OR2H1: variants seen among roughly 807,000 people sequenced by gnomAD.
The protein encoded by OR2H1 is olfactory receptor family 2 subfamily H member 1, also known as olfactory receptor 2H1.
For missense variants in OR2H1, 380 were observed against 367.3 expected, an observed-to-expected ratio of 1.03 and a Z score of -0.28; for synonymous variants, 155 against 155.2, an observed-to-expected ratio of 1.00 and a Z score of 0.01.
Position 29,461,741 on chromosome 6 carries a change from A to G in OR2H1, c.-29A>G. ...TGAATCACACTGGGGTGACAGCCTC[A>G]TCCCTCCAGGTACAAACAAGAACAG... On this transcript the variant is annotated 5_prime_UTR_variant, in exon 4 of 4. Coordinates refer to ENST00000377133, the MANE Select transcript of OR2H1 (RefSeq NM_030883.5). 3 of 1,563,286 alleles carry G rather than the reference A, an allele frequency of 1.9e-6. No individual in the cohort carries two copies. Among genetic ancestry groups the G allele is most frequent in the Non-Finnish European group, 2.6e-6 (3 of 1,140,820 alleles).
Position 29,463,920 on chromosome 6 carries a change from C to T in OR2H1, c.*1200C>T, listed in dbSNP as rs1009784553. 1 of 166,108 alleles carries T rather than the reference C, an allele frequency of 6.0e-6. No homozygotes were observed. Among genetic ancestry groups the T allele is most frequent in the Non-Finnish European group, 1.5e-5 (1 of 68,114 alleles). 10.3% of individuals were successfully genotyped at this position (166,108 alleles called of 1,614,324 possible). A position where few individuals can be genotyped will look rare whatever the true frequency, so the allele number is the denominator to read the frequency against. On this transcript the variant is annotated 3_prime_UTR_variant, in exon 4 of 4. Transcript: ENST00000377133. ...ATTCCAATTATGAAGCCTCTTCCCTCATGACCTAATCACTGCCCAAAGGCC... is the reference window on the plus strand; with the variant it reads ...ATTCCAATTATGAAGCCTCTTCCCTTATGACCTAATCACTGCCCAAAGGCC...
chr6:29,462,067 T>A lies in OR2H1; in HGVS notation c.298T>A (p.Phe100Ile). Residue 100 changes from phenylalanine to isoleucine, a missense_variant, in exon 4 of 4, where the codon TTC becomes ATC. Phe to Ile is a conservative substitution (Grantham distance 21). Coordinates refer to ENST00000377133, the MANE Select transcript of OR2H1 (RefSeq NM_030883.5). Reference sequence around the variant, plus strand: ...CTTCCTGGGATGCTCTGTCCAGCTCTTCATCTTCCTGTCCCTGGGGACCAC... The same window carrying A: ...CTTCCTGGGATGCTCTGTCCAGCTCATCATCTTCCTGTCCCTGGGGACCAC... ...ISFLGCSVQL[F>I]IFLSLGTTEC... 1.2e-6 allele frequency: 2 copies of A among 1,613,594 alleles called. No homozygotes were observed. Among genetic ancestry groups the A allele is most frequent in the East Asian group, 4.5e-5 (2 of 44,872 alleles).
At chr6:29,457,826 A>G (rs977961662) in intron 1 of OR2H1, among the ~76,000 whole-genome samples, 7 of 152,190 alleles carry the variant, frequency 4.6e-5, no homozygotes, top group Non-Finnish European at 1.0e-4. Context: ...TTTACTCCCC[A>G]GTGACACGGA....
rs780819360 is a variant in OR2H1 at position 29,461,886 on chromosome 6, C to T, written c.117C>T (p.Gly39=). The T allele has an allele frequency of 1.1e-5, 18 of 1,612,924 alleles. No homozygotes were observed. The highest frequency in any genetic ancestry group is 1.4e-5 in the Non-Finnish European group (16 of 1,180,004). The stretch of plus-strand genomic sequence containing the variant: ...CTTCCTACCTCTTGACCCTGGTGGG[C>T]AACACACTCATCATCCTGCTGTCTG... The part of the protein sequence containing the change: ...VFTSYLLTLV[G]NTLIILLSVL... The change falls in exon 4 of 4, where the codon GGC becomes GGT. Residue 39 remains glycine, a synonymous_variant. Coordinates refer to ENST00000377133, the MANE Select transcript of OR2H1 (RefSeq NM_030883.5).
chr6:29,464,235 G>A lies in OR2H1; in HGVS notation c.*1515G>A, dbSNP rs1202467278. ...TGCAGGCTCTATTGTTTTCAATTTA[G>A]CAGCCTTTCAAATGTATATGGTTCT... On this transcript the variant is annotated 3_prime_UTR_variant, in exon 4 of 4. Transcript: ENST00000377133. 6.0e-6 allele frequency: 1 copy of A among 166,926 alleles called. No individual in the cohort carries two copies. The highest frequency in any genetic ancestry group is 1.5e-5 in the Non-Finnish European group (1 of 68,098). 10.3% of individuals were successfully genotyped at this position (166,926 alleles called of 1,614,324 possible).
At chr6:29,458,334 T>C (rs1279453284) in intron 1 of OR2H1, 120 bp from the exon 2 acceptor site, 3 of 152,242 alleles carry the variant, frequency 2.0e-5, no homozygotes, top group South Asian at 2.1e-4. Flanking sequence ...TTTGAAGTTA[T>C]AAGGAGCCGT....
At chr6:29,458,159 A>G (rs1786690507) in intron 1 of OR2H1, among the ~76,000 whole-genome samples, 1 of 152,236 alleles carries the variant, frequency 6.6e-6, no homozygotes, top group Non-Finnish European at 1.5e-5. Context: ...TGTGTCTGGC[A>G]GAGCAATGGT....
rs1231648745 is a variant in OR2H1, at chr6:29,463,487, G to A, written c.*767G>A. On this transcript the variant is annotated 3_prime_UTR_variant, in exon 4 of 4. Coordinates refer to ENST00000377133, the MANE Select transcript of OR2H1 (RefSeq NM_030883.5). ...TTTTGGTGTGTAGGACAAGGAGCCA[G>A]GGAATTGGCACGTTTGGCTTTTACT... is the stretch of plus-strand genomic sequence containing the variant. 1 of 166,970 alleles carries A rather than the reference G, an allele frequency of 6.0e-6. No individual in the cohort carries two copies. The allele number at this position is 166,970 out of a possible 1,614,324, so 10.3% of individuals were successfully genotyped here.
In OR2H1 at chr6:29,463,023, C is replaced by T; in HGVS notation, c.*303C>T. 2.4e-6 allele frequency: 1 copy of T among 413,922 alleles called. No homozygotes were observed. Among genetic ancestry groups the T allele is most frequent in the Non-Finnish European group, 4.5e-6 (1 of 224,456 alleles). The allele number at this position is 413,922 out of a possible 1,614,324, so 25.6% of individuals were successfully genotyped here. ...CATCACTTCTATAGATTTCCTAACTCCACCATGCCTATTTCTGGTTATATA... is the reference window on the plus strand; with the variant it reads ...CATCACTTCTATAGATTTCCTAACTTCACCATGCCTATTTCTGGTTATATA... On this transcript the variant is annotated 3_prime_UTR_variant, in exon 4 of 4. Coordinates refer to ENST00000377133, the MANE Select transcript of OR2H1 (RefSeq NM_030883.5).
Position 29,462,963 on chromosome 6 carries a change from A to G in OR2H1, c.*243A>G. The G allele has an allele frequency of 1.8e-6, 1 of 544,300 alleles. No individual in the cohort carries two copies. Among genetic ancestry groups the G allele is most frequent in the Non-Finnish European group, 3.3e-6 (1 of 300,538 alleles). The allele number at this position is 544,300 out of a possible 1,614,324, so 33.7% of individuals were successfully genotyped here. ...ATCATTCCTATCACTGTCCATTCTT[A>G]ATATTTCTATCCTCCATTCTGTTCT... On this transcript the variant is annotated 3_prime_UTR_variant, in exon 4 of 4. Coordinates refer to ENST00000377133, the MANE Select transcript of OR2H1 (RefSeq NM_030883.5).
rs1263285891 is a variant in OR2H1, at chr6:29,461,648, A to C, written c.-122A>C. ...TGGGAAAGGGAGGCTGGGTGAGCAG[A>C]GACAGAAAAGAAACACCTACCTGCT... On this transcript the variant is annotated 5_prime_UTR_variant, in exon 4 of 4. Transcript: ENST00000377133. 1 of 729,490 alleles carries C rather than the reference A, an allele frequency of 1.4e-6. No homozygotes were observed. The highest frequency in any genetic ancestry group is 2.4e-6 in the Non-Finnish European group (1 of 422,008). 45.2% of individuals were successfully genotyped at this position (729,490 alleles called of 1,614,324 possible). A position where few individuals can be genotyped will look rare whatever the true frequency, so the allele number is the denominator to read the frequency against.
chr6:29,460,839 T>C (rs1582669942), intron 3 of OR2H1: 1 of 152,298 alleles, frequency 6.6e-6, no homozygotes, highest in African/African-American at 2.4e-5. Context: ...AAGTAACAAA[T>C]TCTAATTCCT....
rs1297740489 is a variant in OR2H1, at chr6:29,462,728, T to A, written c.*8T>A. The A allele has an allele frequency of 1.9e-6, 3 of 1,592,682 alleles. No homozygotes were observed. The highest frequency in any genetic ancestry group is 2.6e-6 in the Non-Finnish European group (3 of 1,167,452). ...AGCTGGAGAGCTGCTTAATATACTT[T>A]CGAAAGTAAGAAGAGTTTCTTCAAG... On this transcript the variant is annotated 3_prime_UTR_variant, in exon 4 of 4. Transcript: ENST00000377133.
intron 2 of OR2H1, among the ~76,000 whole-genome samples, chr6:29,459,067 C>T (rs150439035): frequency 6.6e-6 from 1 of 151,972 alleles, no homozygotes; most frequent in African/African-American, 2.4e-5. Flanking sequence ...TAGGAGAGTG[C>T]AGAGGGTCAA....
At position 29,463,210 on chromosome 6, in the gene OR2H1, G is replaced by A. The variant is rs561983340; in HGVS notation, c.*490G>A. The A allele has an allele frequency of 5.7e-6, 1 of 176,152 alleles. No individual in the cohort carries two copies. Among genetic ancestry groups the A allele is most frequent in the Non-Finnish European group, 1.4e-5 (1 of 73,162 alleles). 10.9% of individuals were successfully genotyped at this position (176,152 alleles called of 1,614,324 possible). A position where few individuals can be genotyped will look rare whatever the true frequency, so the allele number is the denominator to read the frequency against. On this transcript the variant is annotated 3_prime_UTR_variant, in exon 4 of 4. Coordinates refer to ENST00000377133, the MANE Select transcript of OR2H1 (RefSeq NM_030883.5). ...GATCCTCCTGGAATATGAGAGGATG[G>A]GAGGCCCTTTAGAACCTGCCTCAAT...
In OR2H1 at chr6:29,461,996, TC is replaced by T; in HGVS notation, c.232del (p.Gln78ArgfsTer36). 6.2e-7 allele frequency: 1 copy of T among 1,613,222 alleles called. No homozygotes were observed. The highest frequency in any genetic ancestry group is 8.5e-7 in the Non-Finnish European group (1 of 1,179,998). ...FLDLCFTTSC[V>X]PQMLVNLWGP... ...GACCTCTGCTTTACCACAAGTTGTG[TC>T]CCCCAGATGCTGGTCAACCTCTGGG... On this transcript the variant is annotated frameshift_variant, in exon 4 of 4. Coordinates refer to ENST00000377133, the MANE Select transcript of OR2H1 (RefSeq NM_030883.5). LOFTEE classifies it low-confidence loss of function (END_TRUNC).
chr6:29,457,513 G>A (rs1786543965), intron 1 of OR2H1, among the ~76,000 whole-genome samples: 2 of 152,160 alleles, frequency 1.3e-5, no homozygotes, highest in Non-Finnish European at 2.9e-5. Flanking sequence ...AGAAATCAGA[G>A]CAGTGGTTGC....
At position 29,461,519 on chromosome 6, in the gene OR2H1, T is replaced by A. The variant is rs886701827; in HGVS notation, c.-251T>A. The A allele has an allele frequency of 2.3e-5, 11 of 471,300 alleles. No individual in the cohort carries two copies. The highest frequency in any genetic ancestry group is 2.1e-4 in the African/African-American group (11 of 51,474). The allele number at this position is 471,300 out of a possible 1,614,324, so 29.2% of individuals were successfully genotyped here. A position where few individuals can be genotyped will look rare whatever the true frequency, so the allele number is the denominator to read the frequency against. ...GGAAGTCAGAGGCACCAATGTGAGG[T>A]TCCACCTGCTTTCCAGCACATTCTT... is the stretch of plus-strand genomic sequence containing the variant. On this transcript the variant is annotated 5_prime_UTR_variant, in exon 4 of 4. Coordinates refer to ENST00000377133, the MANE Select transcript of OR2H1 (RefSeq NM_030883.5).
Position 29,463,052 on chromosome 6 carries a change from G to A in OR2H1, c.*332G>A, listed in dbSNP as rs16894941. On this transcript the variant is annotated 3_prime_UTR_variant, in exon 4 of 4. Transcript: ENST00000377133. ...CATGCCTATTTCTGGTTATATAATT[G>A]CTCTCCAATTGTCATGTCAGTGTAG... 6,380 of 348,280 alleles carry A rather than the reference G, an allele frequency of 0.018. 200 individuals carry two copies. Among genetic ancestry groups the A allele is most frequent in the African/African-American group, 0.092 (4,384 of 47,904 alleles). The allele number at this position is 348,280 out of a possible 1,614,324, so 21.6% of individuals were successfully genotyped here.
Sources: allele counts gnomAD v4.1 joint callset (sites outside exome capture counted in the v4.1 genomes callset), GRCh38; gene constraint gnomAD v4.1.1; transcripts MANE v1.5; gene names NCBI Gene and HGNC (gene_info 2026-07-23, HGNC 2026-07-21).